CDC42BPG: variants seen among roughly 807,000 people sequenced by gnomAD.
CDC42BPG encodes the protein serine/threonine-protein kinase MRCK gamma.
CDC42BPG carries 157 observed loss-of-function variants against 192.2 expected under a neutral mutation model. The observed-to-expected ratio is 0.82, with a 90% CI of 0.72 to 0.93. The LOEUF (loss-of-function observed/expected upper bound fraction) is 0.93, where lower values mean the gene tolerates loss of function less well. Ranked by LOEUF, CDC42BPG falls within the 40% of genes least tolerant of loss-of-function variation. The pLI, the probability that CDC42BPG is intolerant of heterozygous loss-of-function variation, is 0.00. For missense variants in CDC42BPG, 1,992 were observed against 2,122.1 expected (o/e 0.94, Z 1.20); for synonymous variants, 981 against 918.5 (o/e 1.07, Z -1.23).
Position 64,836,181 on chromosome 11 carries a change from G to A in CDC42BPG, c.1604C>T (p.Ala535Val), listed in dbSNP as rs760687128. The A allele has an allele frequency of 1.3e-6, 2 of 1,593,562 alleles. No homozygotes were observed. Among genetic ancestry groups the A allele is most frequent in the African/African-American group, 1.3e-5 (1 of 74,672 alleles). The change falls in exon 13 of 37, where the codon GCC becomes GTC. Residue 535 changes from alanine (A) to valine (V), a missense_variant. Transcript: ENST00000342711. The part of the protein sequence containing the change: ...RLQEAQEREA[A>V]TASQTRALSS... ...CAGGGCCCGGGTCTGGCTAGCTGTG[G>A]CCGCCTCTCTCTCCTGGGCCTCCTG...
chr11:64,835,889 C>T, intron 13 of CDC42BPG, 38 bp from the exon 14 acceptor site: 2 of 1,554,672 alleles, frequency 1.3e-6, no homozygotes, highest in Non-Finnish European at 1.7e-6. Context: ...GCCAACTCTG[C>T]CCTCGGCAGC....
chr11:64,830,434 T>C (rs1942632053), intron 28 of CDC42BPG, 178 bp from the exon 29 acceptor site: 2 of 652,706 alleles, frequency 3.1e-6, no homozygotes, highest in African/African-American at 1.8e-5. Flanking sequence ...TCCAGAGGGG[T>C]TGGGGTGAGG....
In CDC42BPG at chr11:64,827,475, C is replaced by A. The variant is rs1022394756; in HGVS notation, c.4150+52G>T. 8.7e-6 allele frequency: 14 copies of A among 1,603,584 alleles called. No homozygotes were observed. The Admixed American group carries it at 2.2e-4, about 25-fold the overall frequency. Reference sequence around the variant, plus strand: ...TCAGCTGGCATTCAGGGCCACACAGCCACACGTGCGCACTGGGGAACGCAC... The same window carrying A: ...TCAGCTGGCATTCAGGGCCACACAGACACACGTGCGCACTGGGGAACGCAC... On this transcript the variant is annotated intron_variant, in intron 32 of 36. Coordinates refer to ENST00000342711, the MANE Select transcript of CDC42BPG (RefSeq NM_017525.3).
Position 64,836,425 on chromosome 11 carries a change from A to C in CDC42BPG, c.1488+2T>G, listed in dbSNP as rs775464851. 8.1e-6 allele frequency: 13 copies of C among 1,603,668 alleles called. No homozygotes were observed. Among genetic ancestry groups the C allele is most frequent in the Non-Finnish European group, 1.1e-5 (13 of 1,172,786 alleles). On this transcript the variant is annotated splice_donor_variant, in intron 12 of 36. Transcript: ENST00000342711. LOFTEE classifies it high-confidence loss of function. ...CCCTCACCCACCTCACCCAGCCCTC[A>C]CCCGGTGAAGTCGGTCAAGCTCCTG...
chr11:64,827,968 G>T (rs968813561), intron 30 of CDC42BPG, among the ~76,000 whole-genome samples, 185 bp from the exon 31 acceptor site: 1 of 152,166 alleles, frequency 6.6e-6, no homozygotes, highest in African/African-American at 2.4e-5. Flanking sequence ...CCACATGCCT[G>T]GCTCAGTTCT....
At position 64,840,113 on chromosome 11, in the gene CDC42BPG, GC is replaced by G; in HGVS notation, c.581+6del. ...GGTTGGGCAGGGCAGCGGGGTTGGG[GC>G]CCCACCTGTGGACATAACCCAGCTG... On this transcript the variant is annotated splice_donor_region_variant and intron_variant, in intron 5 of 36. Coordinates refer to ENST00000342711, the MANE Select transcript of CDC42BPG (RefSeq NM_017525.3). 2 of 1,609,814 alleles carry G rather than the reference GC, an allele frequency of 1.2e-6. No individual in the cohort carries two copies. The highest frequency in any genetic ancestry group is 1.7e-6 in the Non-Finnish European group (2 of 1,178,402).
rs762467892 is a variant in CDC42BPG, at chr11:64,840,111, G to T, written c.581+9C>A. ...GGGGTTGGGCAGGGCAGCGGGGTTG[G>T]GGCCCCACCTGTGGACATAACCCAG... is the stretch of plus-strand genomic sequence containing the variant. On this transcript the variant is annotated intron_variant, in intron 5 of 36. Transcript: ENST00000342711. The T allele has an allele frequency of 1.9e-6, 3 of 1,609,602 alleles. No homozygotes were observed. Among genetic ancestry groups the T allele is most frequent in the Non-Finnish European group, 2.5e-6 (3 of 1,178,388 alleles).
intron 32 of CDC42BPG, 22 bp from the exon 33 acceptor site, chr11:64,827,420 G>A: frequency 2.5e-6 from 4 of 1,611,536 alleles, no homozygotes; most frequent in South Asian, 1.1e-5. Context: ...GTGGAGAGCT[G>A]GGCTGTGCTC....
intron 23 of CDC42BPG, 27 bp from the exon 24 acceptor site, chr11:64,833,363 A>G: frequency 8.1e-7 from 1 of 1,235,922 alleles, no homozygotes; most frequent in East Asian, 2.6e-5. Flanking sequence ...CCATTACCCA[A>G]GGCCTCCCAG....
At chr11:64,830,151 C>A (rs750410709) in intron 29 of CDC42BPG, 43 bp downstream of exon 29, 1 of 1,612,962 alleles carries the variant, frequency 6.2e-7, no homozygotes, top group Non-Finnish European at 8.5e-7. Flanking sequence ...CCCGCTGGGG[C>A]TGCCCCTGCC....
Position 64,824,334 on chromosome 11 carries a change from TC to T in CDC42BPG, c.*138del, listed in dbSNP as rs1942340024. ...CAAGTCCTGGGAACCCAGGCAAGTC[TC>T]CCAGTCATTGCCCAGCCCGGGTCCT... On this transcript the variant is annotated 3_prime_UTR_variant, in exon 37 of 37. Transcript: ENST00000342711. The T allele has an allele frequency of 5.3e-6, 4 of 757,424 alleles. No homozygotes were observed. The East Asian group carries it at 1.0e-4, about 19-fold the overall frequency. The allele number at this position is 757,424 out of a possible 1,614,324, so 46.9% of individuals were successfully genotyped here.
intron 3 of CDC42BPG, 134 bp downstream of exon 3, chr11:64,841,516 T>C: frequency 1.4e-6 from 1 of 690,530 alleles, no homozygotes. Flanking sequence ...AACAAATCAG[T>C]GGCTGCTGAG....
At chr11:64,827,804 T>C in intron 30 of CDC42BPG, 21 bp from the exon 31 acceptor site, 1 of 1,576,154 alleles carries the variant, frequency 6.3e-7, no homozygotes, top group Non-Finnish European at 8.6e-7. Context: ...GCCAGGCACC[T>C]CTGAGCTGTT....
intron 1 of CDC42BPG, among the ~76,000 whole-genome samples, chr11:64,843,595 C>T (rs970542474): frequency 3.9e-5 from 6 of 152,214 alleles, no homozygotes; most frequent in Admixed American, 1.3e-4. Context: ...GCCAGGCCCC[C>T]GTGCCTTTTC....
intron 36 of CDC42BPG, 139 bp downstream of exon 36, chr11:64,826,331 A>C: frequency 1.5e-6 from 1 of 667,590 alleles, no homozygotes; most frequent in East Asian, 2.8e-5. Context: ...GAGACAGGTA[A>C]GAATCTGCAT....
chr11:64,827,867 A>G (rs1170905762), intron 30 of CDC42BPG, 84 bp from the exon 31 acceptor site: 2 of 1,149,720 alleles, frequency 1.7e-6, no homozygotes, highest in African/African-American at 3.1e-5. Context: ...CACAGTAACT[A>G]CCATGCCCCA....
At chr11:64,838,480 G>A (rs546089972) in intron 8 of CDC42BPG, among the ~76,000 whole-genome samples, 174 bp downstream of exon 8, 1 of 152,198 alleles carries the variant, frequency 6.6e-6, no homozygotes, top group Non-Finnish European at 1.5e-5. Flanking sequence ...GGCTGGAAGA[G>A]GCTGGGCCAG....
rs746296542 is a variant in CDC42BPG at position 64,838,858 on chromosome 11, G to A, written c.921C>T (p.Ser307=). Residue 307 remains serine, a synonymous_variant, in exon 8 of 37, where the codon AGC becomes AGT. Coordinates refer to ENST00000342711, the MANE Select transcript of CDC42BPG (RefSeq NM_017525.3). ...GCAGCTGGCGGATCAGGTCTTGGGC[G>A]CTGGCTGGCACGTCAGGCACGTCCG... ...FPPDVPDVPA[S]AQDLIRQLLC... is the part of the protein sequence containing the mutation. 6.6e-5 allele frequency: 107 copies of A among 1,611,502 alleles called. No individual in the cohort carries two copies. The highest frequency in any genetic ancestry group is 8.1e-5 in the Non-Finnish European group (96 of 1,179,940).
chr11:64,824,503 G>C lies in CDC42BPG; in HGVS notation c.4626C>G (p.Pro1542=), dbSNP rs758088340. The C allele has an allele frequency of 3.1e-6, 5 of 1,608,858 alleles. No individual in the cohort carries two copies. Among genetic ancestry groups the C allele is most frequent in the Non-Finnish European group, 4.3e-6 (5 of 1,175,118 alleles). The change falls in exon 37 of 37, where the codon CCC becomes CCG. Residue 1542 remains proline, a synonymous_variant. Transcript: ENST00000342711. ...GAGAGCTCTCCAATTCAGGGGATAG[G>C]GGGAGGCTTCGGGGCCGTTCTGAGA... ...MQVSERPRSL[P]LSPELESSP
Sources: gnomAD v4.1 joint callset for allele counts (sites outside exome capture counted in the v4.1 genomes callset) on GRCh38, gnomAD v4.1.1 for gene constraint, MANE v1.5 for transcripts, NCBI Gene and HGNC (gene_info 2026-07-23, HGNC 2026-07-21) for gene names.